The following NUSAP1 variants were observed in gnomAD, a reference collection of about 807,000 sequenced individuals.
NUSAP1 encodes nucleolar and spindle associated protein 1.
In NUSAP1, 32 loss-of-function variants were observed where a neutral mutation model predicts 52.8. That is an observed-to-expected ratio of 0.61 (90% confidence interval 0.46 to 0.81). The LOEUF is 0.81. Ranked by LOEUF, NUSAP1 falls within the 40% of genes least tolerant of loss-of-function variation. The pLI is 0.00. For missense variants in NUSAP1, 499 were observed against 522.3 expected, an observed-to-expected ratio of 0.96 and a Z score of 0.43; for synonymous variants, 195 against 183.1, an observed-to-expected ratio of 1.06 and a Z score of -0.52.
chr15:41,334,099 A>ATT (rs140711980), intron 1 of NUSAP1, among the ~76,000 whole-genome samples: 1 of 148,420 alleles, frequency 6.7e-6, no homozygotes, highest in African/African-American at 2.5e-5. Flanking sequence ...AATCGTCACA[A>ATT]TTTTTTTTTT....
intron 7 of NUSAP1, among the ~76,000 whole-genome samples, chr15:41,371,164 G>A (rs2049671208): frequency 6.6e-6 from 1 of 152,108 alleles, no homozygotes. Context: ...GCAGTCTTCT[G>A]CTACCTGTGA....
At chr15:41,361,262 G>A (rs1424418157) in intron 6 of NUSAP1, among the ~76,000 whole-genome samples, 8 of 151,710 alleles carry the variant, frequency 5.3e-5, no homozygotes, top group African/African-American at 1.7e-4. Context: ...GCATGGTGGC[G>A]CATGTCTGTA....
chr15:41,351,258 T>C, intron 4 of NUSAP1, 129 bp downstream of exon 4: 1 of 889,492 alleles, frequency 1.1e-6, no homozygotes, highest in Non-Finnish European at 1.6e-6. Context: ...ACAACAGAAA[T>C]TTACTCTTTC....
intron 2 of NUSAP1, among the ~76,000 whole-genome samples, chr15:41,347,638 C>G (rs751830723): frequency 1.2e-4 from 18 of 151,658 alleles, no homozygotes; most frequent in Non-Finnish European, 1.9e-4. Flanking sequence ...ACAGGCGAAA[C>G]CCCGTCTCTA....
chr15:41,361,920 G>A (rs8182014), intron 6 of NUSAP1, among the ~76,000 whole-genome samples: 2 of 152,232 alleles, frequency 1.3e-5, no homozygotes, highest in East Asian at 3.9e-4. Flanking sequence ...TTTGGGGCTT[G>A]GTCATTTAGA....
intron 2 of NUSAP1, 104 bp downstream of exon 2, chr15:41,342,558 C>T (rs1274892124): frequency 1.1e-6 from 1 of 907,684 alleles, no homozygotes; most frequent in Non-Finnish European, 1.7e-6. Flanking sequence ...ATGCTGTTGG[C>T]CAGGTGTTGT....
intron 6 of NUSAP1, among the ~76,000 whole-genome samples, 193 bp from the exon 7 acceptor site, chr15:41,365,209 C>T (rs1251082692): frequency 6.6e-6 from 1 of 152,068 alleles, no homozygotes; most frequent in Non-Finnish European, 1.5e-5. Flanking sequence ...GCTCTGTTGC[C>T]AGGCTGGTGT....
At chr15:41,353,920 AC>A (rs1445703401) in intron 4 of NUSAP1, among the ~76,000 whole-genome samples, 1 of 152,044 alleles carries the variant, frequency 6.6e-6, no homozygotes, top group Non-Finnish European at 1.5e-5. Flanking sequence ...TTTATATATC[AC>A]TATTGTTCCC....
intron 3 of NUSAP1, among the ~76,000 whole-genome samples, chr15:41,350,570 G>A (rs934849276): frequency 6.6e-6 from 1 of 152,100 alleles, no homozygotes; most frequent in Non-Finnish European, 1.5e-5. Context: ...TGTCTTCAAA[G>A]TGAGCTACTA....
chr15:41,337,329 A>G (rs2048196009), intron 1 of NUSAP1, among the ~76,000 whole-genome samples: 1 of 151,348 alleles, frequency 6.6e-6, no homozygotes, highest in Non-Finnish European at 1.5e-5. Context: ...CCACCACCAA[A>G]CCTTTTAGCC....
At chr15:41,366,437 C>T (rs1368642940) in intron 7 of NUSAP1, among the ~76,000 whole-genome samples, 1 of 152,038 alleles carries the variant, frequency 6.6e-6, no homozygotes, top group Non-Finnish European at 1.5e-5. Flanking sequence ...GCACGTACCA[C>T]CACACCCGGC....
intron 6 of NUSAP1, among the ~76,000 whole-genome samples, chr15:41,358,520 TC>T (rs1339936236): frequency 1.3e-5 from 2 of 152,136 alleles, no homozygotes; most frequent in Non-Finnish European, 2.9e-5. Context: ...GTGGATTACC[TC>T]AGGTCAGGAG....
At chr15:41,358,427 A>C (rs2049048428) in intron 6 of NUSAP1, among the ~76,000 whole-genome samples, 169 bp downstream of exon 6, 1 of 152,184 alleles carries the variant, frequency 6.6e-6, no homozygotes, top group Non-Finnish European at 1.5e-5. Context: ...GAATTTTCAA[A>C]GTCCTCTAGA....
chr15:41,370,479 G>A (rs995820430), intron 7 of NUSAP1, among the ~76,000 whole-genome samples: 11 of 151,922 alleles, frequency 7.2e-5, no homozygotes, highest in African/African-American at 2.4e-4. Context: ...AGCTGGGCGC[G>A]GTGGCTCATG....
intron 10 of NUSAP1, among the ~76,000 whole-genome samples, chr15:41,377,984 C>T (rs1222896917): frequency 3.3e-5 from 5 of 150,808 alleles, no homozygotes; most frequent in South Asian, 2.1e-4. Context: ...AGTGAGACTC[C>T]GTCTCAAAAA....
At chr15:41,347,350 A>C (rs1200362882) in intron 2 of NUSAP1, among the ~76,000 whole-genome samples, 2 of 152,140 alleles carry the variant, frequency 1.3e-5, no homozygotes, top group Non-Finnish European at 2.9e-5. Flanking sequence ...AAATATTGGA[A>C]GATTTCTCAT....
At chr15:41,346,835 A>G (rs1375641386) in intron 2 of NUSAP1, among the ~76,000 whole-genome samples, 1 of 23,010 alleles carries the variant, frequency 4.3e-5, no homozygotes, top group Non-Finnish European at 9.8e-5. Flanking sequence ...TCAAAAATAA[A>G]TAAATAAATA....
chr15:41,356,219 A>G (rs2048964935), intron 5 of NUSAP1, 79 bp downstream of exon 5: 2 of 825,318 alleles, frequency 2.4e-6, no homozygotes, highest in East Asian at 2.6e-5. Context: ...AGCTGAAAGC[A>G]TAGAGGCTGG....
intron 1 of NUSAP1, among the ~76,000 whole-genome samples, chr15:41,338,767 C>G (rs1377206892): frequency 6.6e-6 from 1 of 151,802 alleles, no homozygotes; most frequent in Non-Finnish European, 1.5e-5. Flanking sequence ...GCCGGCCTGG[C>G]CAGCATGGCA....
Sources: allele counts gnomAD v4.1 joint callset (sites outside exome capture counted in the v4.1 genomes callset), GRCh38; gene constraint gnomAD v4.1.1; transcripts MANE v1.5; gene names NCBI Gene and HGNC (gene_info 2026-07-23, HGNC 2026-07-21).